The following SCRN1 variants were observed in gnomAD, a reference collection of about 807,000 sequenced individuals.
SCRN1 encodes the protein secernin-1.
SCRN1 carries 19 observed loss-of-function variants against 43.3 expected under a neutral mutation model. The observed-to-expected ratio is 0.44, with a 90% CI of 0.31 to 0.64. SCRN1 has a LOEUF of 0.64. SCRN1 is among the 30% of genes least tolerant of loss of function. The pLI is 0.09. For missense variants in SCRN1, 447 were observed against 524.1 expected (o/e 0.85, Z 1.44); for synonymous variants, 183 against 188.9 (o/e 0.97, Z 0.26).
chr7:29,979,778 T>A (rs975781567), intron 1 of SCRN1, among the ~76,000 whole-genome samples: 19 of 152,224 alleles, frequency 1.2e-4, no homozygotes, highest in African/African-American at 3.1e-4. Flanking sequence ...TACATTTTTT[T>A]AAAATGCATT....
At chr7:29,953,130 C>T (rs1788009168) in intron 3 of SCRN1, among the ~76,000 whole-genome samples, 1 of 152,206 alleles carries the variant, frequency 6.6e-6, no homozygotes. Flanking sequence ...CTGTGAACAT[C>T]CCGCAGTGTT....
intron 5 of SCRN1, among the ~76,000 whole-genome samples, chr7:29,937,883 A>G (rs1475056844): frequency 1.3e-5 from 2 of 152,200 alleles, no homozygotes; most frequent in South Asian, 2.1e-4. Flanking sequence ...CTCTACTTAC[A>G]TGTCATACCT....
chr7:29,925,061 C>T (rs1225784054), intron 7 of SCRN1, among the ~76,000 whole-genome samples: 1 of 152,176 alleles, frequency 6.6e-6, no homozygotes, highest in Non-Finnish European at 1.5e-5. Context: ...CAGTTTTCAT[C>T]TACTTGGGGC....
chr7:29,952,209 G>A (rs1039591162), intron 3 of SCRN1, among the ~76,000 whole-genome samples: 1 of 152,190 alleles, frequency 6.6e-6, no homozygotes, highest in Non-Finnish European at 1.5e-5. Flanking sequence ...CAGGTTGCTG[G>A]CCCCTGGGTG....
intron 1 of SCRN1, among the ~76,000 whole-genome samples, chr7:29,984,159 T>C (rs918914957): frequency 5.7e-5 from 8 of 141,012 alleles, no homozygotes; most frequent in East Asian, 2.1e-4. Context: ...TGAGCCAAGA[T>C]TGCACCACTG....
chr7:29,989,196 C>T (rs971471258), intron 1 of SCRN1: 1 of 152,160 alleles, frequency 6.6e-6, no homozygotes, highest in Non-Finnish European at 1.5e-5. Flanking sequence ...TCCGGGCAGC[C>T]ATGTTCGCGG....
intron 7 of SCRN1, 134 bp from the exon 8 acceptor site, chr7:29,924,249 A>T: frequency 1.3e-6 from 1 of 796,312 alleles, no homozygotes; most frequent in East Asian, 2.7e-5. Context: ...TTCACACACG[A>T]CTGCCGCAGG....
chr7:29,959,175 T>C (rs938932799), intron 2 of SCRN1, among the ~76,000 whole-genome samples: 5 of 152,202 alleles, frequency 3.3e-5, no homozygotes, highest in African/African-American at 1.2e-4. Context: ...TTTCAATTAA[T>C]GAAACACAAC....
chr7:29,936,861 A>C, intron 5 of SCRN1, 140 bp from the exon 6 acceptor site: 2 of 494,598 alleles, frequency 4.0e-6, no homozygotes, highest in East Asian at 3.8e-5. Flanking sequence ...CCTGCATAAC[A>C]CGGTGAAACC....
chr7:29,952,756 T>C (rs567059732), intron 3 of SCRN1, among the ~76,000 whole-genome samples: 12 of 152,060 alleles, frequency 7.9e-5, no homozygotes, highest in Non-Finnish European at 1.2e-4. Flanking sequence ...TTGGTTGGTA[T>C]GAAATGACCC....
At chr7:29,927,313 CAT>C (rs1255369984) in intron 6 of SCRN1, among the ~76,000 whole-genome samples, 2 of 152,202 alleles carry the variant, frequency 1.3e-5, no homozygotes, top group Admixed American at 6.5e-5. Context: ...CGTATGCCTG[CAT>C]GTGTGTGTAC....
intron 2 of SCRN1, among the ~76,000 whole-genome samples, chr7:29,956,334 G>A (rs1583675565): frequency 6.6e-6 from 1 of 152,134 alleles, no homozygotes; most frequent in East Asian, 1.9e-4. Flanking sequence ...CCCCATGGGG[G>A]CCTCCTGACT....
chr7:29,936,845 G>C, intron 5 of SCRN1, 124 bp from the exon 6 acceptor site: 1 of 637,464 alleles, frequency 1.6e-6, no homozygotes, highest in East Asian at 3.2e-5. Context: ...AGGAGATCGC[G>C]ACCATCCTGC....
intron 3 of SCRN1, 91 bp downstream of exon 3, chr7:29,955,088 G>T: frequency 8.9e-7 from 1 of 1,118,078 alleles, no homozygotes; most frequent in Non-Finnish European, 1.3e-6. Context: ...GAAGGATTAT[G>T]TTAAAAAATG....
intron 1 of SCRN1, among the ~76,000 whole-genome samples, chr7:29,976,778 T>C (rs1389513610): frequency 6.6e-6 from 1 of 152,176 alleles, no homozygotes; most frequent in East Asian, 1.9e-4. Context: ...AACAAGATAG[T>C]AGTGCTTCCC....
chr7:29,929,287 T>G (rs1221249210), intron 6 of SCRN1, among the ~76,000 whole-genome samples: 1 of 152,208 alleles, frequency 6.6e-6, no homozygotes, highest in Non-Finnish European at 1.5e-5. Context: ...CCACCTGGGC[T>G]GGTAGGCTTC....
intron 2 of SCRN1, among the ~76,000 whole-genome samples, chr7:29,966,231 TG>T (rs1418178296): frequency 6.9e-6 from 1 of 144,762 alleles, no homozygotes; most frequent in Non-Finnish European, 1.5e-5. Flanking sequence ...GGCCCAGCCC[TG>T]GAAGTCACAT....
At chr7:29,976,138 G>A (rs532396192) in intron 1 of SCRN1, among the ~76,000 whole-genome samples, 13 of 152,174 alleles carry the variant, frequency 8.5e-5, no homozygotes, top group African/African-American at 3.1e-4. Flanking sequence ...CTCTCAGTGC[G>A]AGCCACCAGT....
rs1168224300 is a variant in SCRN1 at position 29,965,531 on chromosome 7, G to A, written c.159+3378C>T. Among the ~76,000 whole-genome samples, 2 of 152,138 alleles carry A rather than the reference G, an allele frequency of 1.3e-5. No individual in the cohort carries two copies. The highest frequency in any genetic ancestry group is 1.9e-4 in the East Asian group (1 of 5,184). On this transcript the variant is annotated intron_variant, in intron 2 of 7. Transcript: ENST00000242059. The surrounding 1 kb of genome is among the most constrained non-coding windows in gnomAD (Gnocchi z 4.2). The stretch of plus-strand genomic sequence containing the variant: ...CCCGTGGGCTTCTAGTATAAACTAC[G>A]TGGCCGACAATGCATATGTTGTTAC...
Sources: allele counts gnomAD v4.1 joint callset (sites outside exome capture counted in the v4.1 genomes callset), GRCh38; gene constraint gnomAD v4.1.1; non-coding constraint Gnocchi (gnomAD v3.1); transcripts MANE v1.5; gene names NCBI Gene and HGNC (gene_info 2026-07-23, HGNC 2026-07-21).